PER3: variants seen among roughly 807,000 people sequenced by gnomAD.
PER3 encodes the protein period circadian regulator 3, also known as period circadian protein homolog 3.
A neutral mutation model predicts 127.2 loss-of-function variants in PER3; 107 were observed. That is an observed-to-expected ratio of 0.84 (90% CI 0.72 to 0.99). The LOEUF (loss-of-function observed/expected upper bound fraction) is 0.99. Ranked by LOEUF, PER3 falls within the 50% of genes least tolerant of loss-of-function variation. The pLI is 0.00. For missense variants in PER3, 1,560 were observed against 1,525.8 expected (o/e 1.02, Z -0.37); for synonymous variants, 618 against 585.8 (o/e 1.05, Z -0.79).
chr1:7,816,463 T>C lies in PER3; in HGVS notation c.1523-2822T>C, dbSNP rs77567305. 4.7e-3 allele frequency among the ~76,000 whole-genome samples: 722 copies of C among 152,242 alleles called. 19 individuals are homozygous for C. In the East Asian group the frequency reaches 0.083, roughly 18 times the overall value. ...AGACAAAATAGTTGCAAATGATATATACAATAATGAAGTTATATCCAGTGT... is the reference window on the plus strand; with the variant it reads ...AGACAAAATAGTTGCAAATGATATACACAATAATGAAGTTATATCCAGTGT... On this transcript the variant is annotated intron_variant, in intron 13 of 21. Transcript: ENST00000377532.
At chr1:7,785,663 G>T in intron 3 of PER3, 77 bp downstream of exon 3, 1 of 1,235,200 alleles carries the variant, frequency 8.1e-7, no homozygotes, top group Admixed American at 2.2e-5. Flanking sequence ...TGGTCAGTGG[G>T]GTCTCAGTCA....
chr1:7,818,990 C>CGGTTT (rs1372369985), intron 13 of PER3, among the ~76,000 whole-genome samples: 1 of 152,198 alleles, frequency 6.6e-6, no homozygotes, highest in East Asian at 1.9e-4. Flanking sequence ...AACCTTAAAC[C>CGGTTT]TATGGTTTCA....
At chr1:7,792,217 A>G (rs1215519286) in intron 5 of PER3, among the ~76,000 whole-genome samples, 1 of 152,164 alleles carries the variant, frequency 6.6e-6, no homozygotes, top group East Asian at 1.9e-4. Flanking sequence ...AGACGGGGAC[A>G]TGTCCTTCAC....
At chr1:7,797,230 G>A (rs1455132384) in intron 6 of PER3, among the ~76,000 whole-genome samples, 2 of 152,062 alleles carry the variant, frequency 1.3e-5, no homozygotes, top group Admixed American at 6.6e-5. Flanking sequence ...CGGCAGCACC[G>A]GGACACAGCT....
In PER3 at chr1:7,842,787, C is replaced by A; in HGVS notation, c.*32C>A. On this transcript the variant is annotated 3_prime_UTR_variant, in exon 22 of 22. Coordinates refer to ENST00000377532, the MANE Select transcript of PER3 (RefSeq NM_001377275.1). ...GTGAGGATGAACCTTCATACCCTTTCCAAGACGTGTTACACAGACAGACCT... is the reference window on the plus strand; with the variant it reads ...GTGAGGATGAACCTTCATACCCTTTACAAGACGTGTTACACAGACAGACCT... The A allele has an allele frequency of 6.3e-7, 1 of 1,598,234 alleles. No homozygotes were observed. The highest frequency in any genetic ancestry group is 1.1e-5 in the South Asian group (1 of 89,722).
In PER3 at chr1:7,794,001, A is replaced by G; in HGVS notation, c.637A>G (p.Arg213Gly). ...ECAPVKPFFC[R>G]IRGGEDRKQE... The stretch of plus-strand genomic sequence containing the variant: ...TGCTCCGGTGAAACCTTTTTTCTGC[A>G]GGATCCGGTAAGTATAGTGGCTCGT... Residue 213 changes from arginine to glycine, a missense_variant, in exon 6 of 22, where the codon AGG becomes GGG. Arg to Gly is a moderately radical substitution (Grantham distance 125). Coordinates refer to ENST00000377532, the MANE Select transcript of PER3 (RefSeq NM_001377275.1). 1 of 1,613,462 alleles carries G rather than the reference A, an allele frequency of 6.2e-7. No individual in the cohort carries two copies. The highest frequency in any genetic ancestry group is 8.5e-7 in the Non-Finnish European group (1 of 1,179,416).
Position 7,826,663 on chromosome 1 carries a change from A to G in PER3, c.2141A>G (p.Tyr714Cys), listed in dbSNP as rs749502951. 5.6e-5 allele frequency: 90 copies of G among 1,612,900 alleles called. 1 individual carries two copies. The South Asian group carries it at 9.6e-4, about 17-fold the overall frequency. Reference protein sequence around the residue: ...EKILSSPYSSYLQQESRSKAK... With the variant: ...EKILSSPYSSCLQQESRSKAK... Reference sequence around the variant, plus strand: ...ATCCTGTCATCACCCTACAGCTCCTATCTTCAGCAAGAAAGCAGGAGCAAA... The same window carrying G: ...ATCCTGTCATCACCCTACAGCTCCTGTCTTCAGCAAGAAAGCAGGAGCAAA... The change falls in exon 17 of 22, where the codon TAT (tyrosine) becomes TGT (cysteine). Residue 714 changes from tyrosine (Y) to cysteine (C), a missense_variant. By Grantham distance (194) the Tyr-to-Cys change is radical. This residue lies in a region of PER3 where 1,332 missense variants were observed against 1,223.6 expected (regional missense o/e 1.09). Transcript: ENST00000377532. The surrounding 1 kb of genome is among the most constrained non-coding windows in gnomAD (Gnocchi z 4.2).
At position 7,820,586 on chromosome 1, in the gene PER3, A is replaced by G; in HGVS notation, c.1903A>G (p.Ile635Val). The G allele has an allele frequency of 6.2e-7, 1 of 1,614,206 alleles. No individual in the cohort carries two copies. Among genetic ancestry groups the G allele is most frequent in the Non-Finnish European group, 8.5e-7 (1 of 1,180,040 alleles). Residue 635 changes from isoleucine (I) to valine (V), a missense_variant, in exon 16 of 22, where the codon ATA becomes GTA. Coordinates refer to ENST00000377532, the MANE Select transcript of PER3 (RefSeq NM_001377275.1). Reference protein sequence around the residue: ...STAMLSLGSGISQCGYSSTIV... With the variant: ...STAMLSLGSGVSQCGYSSTIV... ...GGCGATGCTGAGCTTGGGGTCGGGCATAAGCCAATGCGGTTACAGCAGCAC... is the reference window on the plus strand; with the variant it reads ...GGCGATGCTGAGCTTGGGGTCGGGCGTAAGCCAATGCGGTTACAGCAGCAC...
In PER3 at chr1:7,825,215, T is replaced by C. The variant is rs1020314056; in HGVS notation, c.1958-1265T>C. On this transcript the variant is annotated intron_variant, in intron 16 of 21. Coordinates refer to ENST00000377532, the MANE Select transcript of PER3 (RefSeq NM_001377275.1). ...CCACAGGGGCGAGCTGGAATGGATA[T>C]TGGGGGAGCCCTCTACAGTGTCCAC... is the stretch of plus-strand genomic sequence containing the variant. Among the ~76,000 whole-genome samples the C allele has an allele frequency of 5.3e-5, 8 of 152,226 alleles. No homozygotes were observed. In the East Asian group the frequency reaches 1.2e-3, roughly 22 times the overall value.
intron 10 of PER3, among the ~76,000 whole-genome samples, chr1:7,807,029 A>G (rs935160734): frequency 1.3e-5 from 2 of 152,022 alleles, no homozygotes; most frequent in Non-Finnish European, 2.9e-5. Context: ...TTCCCAGATC[A>G]ATCAACCATG....
intron 13 of PER3, among the ~76,000 whole-genome samples, chr1:7,811,758 A>C (rs1252408572): frequency 6.6e-6 from 1 of 152,188 alleles, no homozygotes; most frequent in Non-Finnish European, 1.5e-5. Flanking sequence ...ATTGAGTTTT[A>C]AGTTGCAACA....
Position 7,826,390 on chromosome 1 carries a change from G to T in PER3, c.1958-90G>T, listed in dbSNP as rs1158730631. ...TATTCCAGCAGTTATAATAATGTTT[G>T]TAAAAATGTATCAAAAGGCAGTTAA... On this transcript the variant is annotated intron_variant, in intron 16 of 21. Transcript: ENST00000377532. The surrounding 1 kb of genome is among the most constrained non-coding windows in gnomAD (Gnocchi z 4.2). 6.8e-6 allele frequency: 5 copies of T among 732,512 alleles called. No individual in the cohort carries two copies. Among genetic ancestry groups the T allele is most frequent in the Admixed American group, 2.4e-5 (1 of 40,970 alleles). 45.4% of individuals were successfully genotyped at this position (732,512 alleles called of 1,614,324 possible).
intron 21 of PER3, among the ~76,000 whole-genome samples, chr1:7,840,024 G>T (rs1020241595): frequency 1.3e-5 from 2 of 151,962 alleles, no homozygotes; most frequent in African/African-American, 4.8e-5. Context: ...TGGTCCACTC[G>T]ATGGTTTCCC....
chr1:7,806,999 A>G (rs2097197846), intron 10 of PER3, among the ~76,000 whole-genome samples: 1 of 152,034 alleles, frequency 6.6e-6, no homozygotes, highest in Non-Finnish European at 1.5e-5. Flanking sequence ...TGTTTATATT[A>G]GGAACCAGGT....
At chr1:7,795,804 A>C (rs2097142882) in intron 6 of PER3, among the ~76,000 whole-genome samples, 1 of 152,258 alleles carries the variant, frequency 6.6e-6, no homozygotes, top group Admixed American at 6.5e-5. Flanking sequence ...AAGAGAAGAT[A>C]ATGTAATGAA....
chr1:7,798,690 G>C lies in PER3; in HGVS notation c.793+17G>C. 1 of 1,605,166 alleles carries C rather than the reference G, an allele frequency of 6.2e-7. No homozygotes were observed. Among genetic ancestry groups the C allele is most frequent in the Non-Finnish European group, 8.5e-7 (1 of 1,171,916 alleles). ...GTTATGAAGGTAAGTCAGTAGATAA[G>C]ATGCAGAAATGTCAGCAATCAGATA... is the stretch of plus-strand genomic sequence containing the variant. On this transcript the variant is annotated intron_variant, in intron 7 of 21. Transcript: ENST00000377532.
Position 7,785,022 on chromosome 1 carries a change from A to G in PER3, c.128+17A>G. The G allele has an allele frequency of 6.4e-7, 1 of 1,569,008 alleles. No individual in the cohort carries two copies. Among genetic ancestry groups the G allele is most frequent in the Non-Finnish European group, 8.6e-7 (1 of 1,164,878 alleles). ...CAGCCACAGGTGACGCGCTGGCTTCAGGCCGAGGGCCCCATGCGTTCGTTG... is the reference window on the plus strand; with the variant it reads ...CAGCCACAGGTGACGCGCTGGCTTCGGGCCGAGGGCCCCATGCGTTCGTTG... On this transcript the variant is annotated intron_variant, in intron 2 of 21. Coordinates refer to ENST00000377532, the MANE Select transcript of PER3 (RefSeq NM_001377275.1).
At chr1:7,815,707 C>T (rs904122895) in intron 13 of PER3, among the ~76,000 whole-genome samples, 7 of 151,916 alleles carry the variant, frequency 4.6e-5, no homozygotes, top group African/African-American at 1.2e-4. Flanking sequence ...CATTTTGGGC[C>T]GGGCGCAGTG....
chr1:7,843,848 T>C lies in PER3; in HGVS notation c.*1093T>C. The C allele has an allele frequency of 9.0e-7, 1 of 1,105,292 alleles. No individual in the cohort carries two copies. Among genetic ancestry groups the C allele is most frequent in the African/African-American group, 1.7e-5 (1 of 59,608 alleles). 68.5% of individuals were successfully genotyped at this position (1,105,292 alleles called of 1,614,324 possible). On this transcript the variant is annotated 3_prime_UTR_variant, in exon 22 of 22. Transcript: ENST00000377532. Reference sequence around the variant, plus strand: ...GTTTGTAGTTGTGTCTTTTAAGAAGTGAGTGTGATTGTTTACTTGATAAAT... The same window carrying C: ...GTTTGTAGTTGTGTCTTTTAAGAAGCGAGTGTGATTGTTTACTTGATAAAT...
Sources: gnomAD v4.1 joint callset for allele counts (sites outside exome capture counted in the v4.1 genomes callset) on GRCh38, gnomAD v4.1.1 for gene constraint, gnomAD v4.1.1 regional missense constraint, Gnocchi (gnomAD v3.1) non-coding constraint, MANE v1.5 for transcripts, NCBI Gene and HGNC (gene_info 2026-07-23, HGNC 2026-07-21) for gene names.